The following ANK2 variants were observed in gnomAD, a reference collection of about 807,000 sequenced individuals.
ANK2 encodes the protein ankyrin-2.
In ANK2, 83 loss-of-function variants were observed where a neutral mutation model predicts 360.5. The ratio of observed to expected loss-of-function variants is 0.23; its 90% CI spans 0.19 to 0.28. ANK2 has a LOEUF of 0.28. Ranked by LOEUF, ANK2 falls within the 10% of genes least tolerant of loss-of-function variation. The pLI is 1.00. For synonymous variants in ANK2, 1,740 were observed against 1,759.5 expected (o/e 0.99, Z 0.28); for missense variants, 4,201 against 4,795.7 (o/e 0.88, Z 3.66).
chr4:112,786,489 C>G, the ANK2 span, among the ~76,000 whole-genome samples: 1 of 149,230 alleles, frequency 6.7e-6, no homozygotes, highest in African/African-American at 2.5e-5. Context: ...CCTCTGCCTT[C>G]CGGTTTAAGT....
rs1584659909 is a variant in ANK2, at chr4:113,199,334, A to C, written c.384+225A>C. On this transcript the variant is annotated intron_variant, in intron 4 of 45. Coordinates refer to ENST00000357077, the MANE Select transcript of ANK2 (RefSeq NM_001148.6). ...AACACTGGAAAAATGTAAGTCTATC[A>C]TTGTCTCTAAGTATTTTTCAAAAGA... Among the ~76,000 whole-genome samples, 4 of 152,278 alleles carry C rather than the reference A, an allele frequency of 2.6e-5. No individual in the cohort carries two copies. In the South Asian group the frequency reaches 8.3e-4, roughly 32 times the overall value.
At chr4:113,177,166 G>A (rs777931822) in intron 2 of ANK2, among the ~76,000 whole-genome samples, 24 of 151,980 alleles carry the variant, frequency 1.6e-4, no homozygotes, top group Admixed American at 4.6e-4. Flanking sequence ...TGCAGGCTTC[G>A]TCCCCTGGGG....
At chr4:112,706,482 G>T in the ANK2 span, among the ~76,000 whole-genome samples, 1 of 151,858 alleles carries the variant, frequency 6.6e-6, no homozygotes, top group South Asian at 2.1e-4. Flanking sequence ...CTGAACGCAC[G>T]CACACTCACA....
Position 113,369,335 on chromosome 4 carries a change from C to T in ANK2, c.11319-179C>T, listed in dbSNP as rs10009565. On this transcript the variant is annotated intron_variant, in intron 42 of 45. Coordinates refer to ENST00000357077, the MANE Select transcript of ANK2 (RefSeq NM_001148.6). ...CCAGTGCTAGATCAATGAGCTACAACTCTATATCTTGTCATATTATTTTTC... is the reference window on the plus strand; with the variant it reads ...CCAGTGCTAGATCAATGAGCTACAATTCTATATCTTGTCATATTATTTTTC... 0.017 allele frequency among the ~76,000 whole-genome samples: 2,640 copies of T among 152,334 alleles called. 85 individuals are homozygous for T. The highest frequency in any genetic ancestry group is 0.06 in the African/African-American group (2,507 of 41,578).
At chr4:113,106,455 G>GC (rs1446954543) in intron 1 of ANK2, among the ~76,000 whole-genome samples, 2 of 152,122 alleles carry the variant, frequency 1.3e-5, no homozygotes, top group Non-Finnish European at 2.9e-5. Flanking sequence ...TCTCCAGAAG[G>GC]CCCAGAGAGG....
chr4:113,199,038 T>C lies in ANK2; in HGVS notation c.313T>C (p.Ser105Pro). Residue 105 changes from serine to proline, a missense_variant, in exon 4 of 46, where the codon TCT becomes CCT. Coordinates refer to ENST00000357077, the MANE Select transcript of ANK2 (RefSeq NM_001148.6). ...GGGAAATACCGCTCTTCACATTGCA[T>C]CTTTGGCTGGACAAGCAGAAGTTGT... ...KKGNTALHIA[S>P]LAGQAEVVKV... is the part of the protein sequence containing the mutation. The C allele has an allele frequency of 6.2e-7, 1 of 1,613,406 alleles. No homozygotes were observed. The highest frequency in any genetic ancestry group is 8.5e-7 in the Non-Finnish European group (1 of 1,179,512).
intron 4 of ANK2, among the ~76,000 whole-genome samples, chr4:113,204,202 T>C (rs2098906746): frequency 6.6e-6 from 1 of 152,078 alleles, no homozygotes; most frequent in Admixed American, 6.5e-5. Flanking sequence ...TAAAGCAAAA[T>C]TGTCTTAAAA....
chr4:112,863,083 A>G lies in ANK2; in HGVS notation c.-39-41372A>G, dbSNP rs192708191. Among the ~76,000 whole-genome samples the G allele has an allele frequency of 4.6e-5, 7 of 152,320 alleles. No homozygotes were observed. The East Asian group carries it at 7.7e-4, about 17-fold the overall frequency. On this transcript the variant is annotated intron_variant, in intron 1 of 30. Coordinates refer to the ANK2 transcript ENST00000503271. ...TATGCTTATGTTTCTGTGTAGAACA[A>G]AGGATTAGGAAACTAACTTATTTCT...
Position 113,341,669 on chromosome 4 carries a change from A to T in ANK2, c.3894-19A>T. 2 of 1,612,048 alleles carry T rather than the reference A, an allele frequency of 1.2e-6. No individual in the cohort carries two copies. The highest frequency in any genetic ancestry group is 1.7e-6 in the Non-Finnish European group (2 of 1,178,282). On this transcript the variant is annotated intron_variant, in intron 32 of 45. Coordinates refer to ENST00000357077, the MANE Select transcript of ANK2 (RefSeq NM_001148.6). ...GTATACTTTGAACTTTAGATAACTG[A>T]CTTTATTTATTTTAATAGGTTCTGG...
chr4:113,177,693 CT>C (rs2098270090), intron 2 of ANK2, among the ~76,000 whole-genome samples: 1 of 152,128 alleles, frequency 6.6e-6, no homozygotes, highest in African/African-American at 2.4e-5. Flanking sequence ...CTTGAGTTAG[CT>C]TTTTCTTATA....
At chr4:112,808,912 A>C in the ANK2 span, among the ~76,000 whole-genome samples, 1 of 152,054 alleles carries the variant, frequency 6.6e-6, no homozygotes, top group Non-Finnish European at 1.5e-5. Flanking sequence ...GACTGGAGTA[A>C]AGTGGTGCGA....
intron 10 of ANK2, among the ~76,000 whole-genome samples, chr4:113,253,575 T>G (rs906144874): frequency 6.6e-6 from 1 of 152,074 alleles, no homozygotes; most frequent in African/African-American, 2.4e-5. Flanking sequence ...GCCATCTAAT[T>G]TTTTTTAGTT....
intron 1 of ANK2, among the ~76,000 whole-genome samples, chr4:113,168,622 C>T (rs1039809360): frequency 2.0e-5 from 3 of 152,184 alleles, no homozygotes; most frequent in Non-Finnish European, 4.4e-5. Flanking sequence ...AAATTGGTAG[C>T]AGCTGAATAG....
intron 2 of ANK2, among the ~76,000 whole-genome samples, chr4:112,957,924 G>A (rs1210013980): frequency 2.6e-5 from 4 of 151,480 alleles, no homozygotes; most frequent in African/African-American, 9.7e-5. Flanking sequence ...ACGGGGTCGC[G>A]GCCAGGTAGA....
At chr4:113,135,451 A>AAAGG (rs1352675740) in intron 1 of ANK2, among the ~76,000 whole-genome samples, 1 of 151,934 alleles carries the variant, frequency 6.6e-6, no homozygotes, top group Non-Finnish European at 1.5e-5. Context: ...GAGTGGAATG[A>AAAGG]AAGGAGCTTT....
chr4:113,041,609 T>A (rs1280298347), intron 2 of ANK2, among the ~76,000 whole-genome samples: 1 of 152,170 alleles, frequency 6.6e-6, no homozygotes. Context: ...ATATTTTCCA[T>A]AAGCTAACAG....
chr4:112,854,213 A>G (rs754786877), intron 1 of ANK2, among the ~76,000 whole-genome samples: 2 of 152,212 alleles, frequency 1.3e-5, no homozygotes, highest in Non-Finnish European at 2.9e-5. Context: ...TAAACTTGGT[A>G]GGTGGTTACT....
chr4:113,244,849 A>G (rs1256970475), intron 9 of ANK2, among the ~76,000 whole-genome samples: 1 of 152,090 alleles, frequency 6.6e-6, no homozygotes, highest in Non-Finnish European at 1.5e-5. Context: ...CCCACCTATG[A>G]TCGAGACCAT....
rs548539349 is a variant in ANK2, at chr4:112,882,713, T to TA, written c.-39-21738dup. 3.9e-3 allele frequency among the ~76,000 whole-genome samples: 587 copies of TA among 148,680 alleles called. 5 individuals are homozygous for TA. Among genetic ancestry groups the TA allele is most frequent in the African/African-American group, 0.014 (563 of 40,498 alleles). ...CATTAATAATAGAATTTTTTTTTTT[T>TA]AAAATGAAGCAAAAAACCTAGGTTC... On this transcript the variant is annotated intron_variant, in intron 1 of 30. Coordinates refer to the ANK2 transcript ENST00000503271.
Sources: gnomAD v4.1 joint callset for allele counts (sites outside exome capture counted in the v4.1 genomes callset) on GRCh38, gnomAD v4.1.1 for gene constraint, MANE v1.5 for transcripts, NCBI Gene and HGNC (gene_info 2026-07-23, HGNC 2026-07-21) for gene names.